RSU1: variants seen among roughly 807,000 people sequenced by gnomAD.
RSU1 encodes Ras suppressor protein 1.
Under a neutral mutation model 31.1 loss-of-function variants are expected in RSU1, and 26 were observed. That is an observed-to-expected ratio of 0.84 (90% CI 0.61 to 1.16). The LOEUF (loss-of-function observed/expected upper bound fraction) is 1.16, where lower values mean the gene tolerates loss of function less well. RSU1 is among the 50% of genes most tolerant of loss of function. RSU1 has a pLI of 0.00. For missense variants in RSU1, 320 were observed against 339.1 expected (o/e 0.94, Z 0.44); for synonymous variants, 164 against 136.3 (o/e 1.20, Z -1.41).
intron 3 of RSU1, among the ~76,000 whole-genome samples, chr10:16,765,257 C>T (rs1837290574): frequency 6.6e-6 from 1 of 152,088 alleles, no homozygotes; most frequent in African/African-American, 2.4e-5. Flanking sequence ...ACAATATAAG[C>T]TCAATTTTAA....
At chr10:16,750,132 A>G (rs1049318524) in intron 7 of RSU1, among the ~76,000 whole-genome samples, 5 of 152,188 alleles carry the variant, frequency 3.3e-5, no homozygotes, top group African/African-American at 1.2e-4. Flanking sequence ...CCAGGCCTTA[A>G]TAGATACTAC....
At chr10:16,767,469 T>C (rs980571947) in intron 3 of RSU1, 1 of 152,148 alleles carries the variant, frequency 6.6e-6, no homozygotes, top group Non-Finnish European at 1.5e-5. Flanking sequence ...ACGCAAACAA[T>C]AACCCCATAT....
rs1206160218 is a variant in RSU1 at position 16,704,700 on chromosome 10, A to C, written c.599-9545T>G. 3.3e-5 allele frequency among the ~76,000 whole-genome samples: 5 copies of C among 152,242 alleles called. No homozygotes were observed. The East Asian group carries it at 7.7e-4, about 23-fold the overall frequency. ...TTACCTGCAGAAATTTTATTTTTAA[A>C]TTAAAACACCCTAGTGGGGTAATGC... On this transcript the variant is annotated intron_variant, in intron 7 of 8. Coordinates refer to ENST00000345264, the MANE Select transcript of RSU1 (RefSeq NM_012425.4).
intron 8 of RSU1, among the ~76,000 whole-genome samples, chr10:16,654,084 C>A (rs1834730437): frequency 1.3e-5 from 2 of 151,902 alleles, no homozygotes; most frequent in African/African-American, 4.8e-5. Flanking sequence ...CTCACTGCAA[C>A]CTCTGCCTCC....
At chr10:16,749,726 G>A (rs1374180582) in intron 7 of RSU1, among the ~76,000 whole-genome samples, 1 of 152,204 alleles carries the variant, frequency 6.6e-6, no homozygotes, top group Non-Finnish European at 1.5e-5. Context: ...GTCTTGCAGA[G>A]GCCATCTCAG....
rs909777884 is a variant in RSU1 at position 16,669,499 on chromosome 10, G to A, written c.731+25524C>T. On this transcript the variant is annotated intron_variant, in intron 8 of 8. Transcript: ENST00000345264. ...CCACCCCAGGGAAAGCCAAGCCAAT[G>A]TCTTCTTTCCACATCATCAAAGAGA... Among the ~76,000 whole-genome samples the A allele has an allele frequency of 3.3e-5, 5 of 152,286 alleles. No homozygotes were observed. In the East Asian group the frequency reaches 7.7e-4, roughly 24 times the overall value.
chr10:16,776,152 A>G (rs1410482672), intron 3 of RSU1, among the ~76,000 whole-genome samples: 2 of 152,234 alleles, frequency 1.3e-5, no homozygotes, highest in African/African-American at 4.8e-5. Context: ...AATTCTTCTC[A>G]ATCATCCCAG....
chr10:16,752,563 G>A lies in RSU1; in HGVS notation c.574C>T (p.Leu192Phe). The A allele has an allele frequency of 6.2e-7, 1 of 1,614,038 alleles. No homozygotes were observed. The highest frequency in any genetic ancestry group is 8.5e-7 in the Non-Finnish European group (1 of 1,179,914). Residue 192 changes from leucine (L) to phenylalanine (F), a missense_variant, in exon 7 of 9, where the codon CTC (leucine) becomes TTC (phenylalanine). Leu to Phe is a conservative substitution (Grantham distance 22, BLOSUM62 0). Transcript: ENST00000345264. ...LKELHIQGNR[L>F]TVLPPELGNL... ...CCTAGTTCTGGGGGCAGAACGGTGA[G>A]GCGGTTCCCCTGAATGTGGAGCTCT... is the stretch of plus-strand genomic sequence containing the variant.
At chr10:16,752,698 G>A in intron 6 of RSU1, 45 bp from the exon 7 acceptor site, 1 of 1,428,800 alleles carries the variant, frequency 7.0e-7, no homozygotes, top group Non-Finnish European at 9.9e-7. Context: ...CACATTAAAA[G>A]GTGCTCCACA....
intron 8 of RSU1, among the ~76,000 whole-genome samples, chr10:16,660,928 G>A (rs1474540461): frequency 6.6e-6 from 1 of 152,104 alleles, no homozygotes; most frequent in Non-Finnish European, 1.5e-5. Context: ...GATTACAGGT[G>A]TGAGCCACTG....
intron 8 of RSU1, among the ~76,000 whole-genome samples, chr10:16,640,326 C>T (rs1402366464): frequency 6.6e-6 from 1 of 152,104 alleles, no homozygotes; most frequent in South Asian, 2.1e-4. Flanking sequence ...ATTCTCAACC[C>T]TAAGTAACTT....
At chr10:16,781,995 A>G in intron 3 of RSU1, 39 bp downstream of exon 3, 1 of 1,579,808 alleles carries the variant, frequency 6.3e-7, no homozygotes. Context: ...AGGATTACCT[A>G]AATGTCAGAA....
chr10:16,746,292 G>A (rs1216124856), intron 7 of RSU1, among the ~76,000 whole-genome samples: 4 of 152,342 alleles, frequency 2.6e-5, no homozygotes, highest in Non-Finnish European at 4.4e-5. Flanking sequence ...TGTATGCAGC[G>A]TTGCAGACAT....
chr10:16,667,459 C>T (rs999999847), intron 8 of RSU1, among the ~76,000 whole-genome samples: 3 of 151,958 alleles, frequency 2.0e-5, no homozygotes, highest in Non-Finnish European at 4.4e-5. Context: ...TAAATAGTAC[C>T]ATAAAATATG....
At chr10:16,681,944 A>G (rs1835334250) in intron 8 of RSU1, among the ~76,000 whole-genome samples, 5 of 152,128 alleles carry the variant, frequency 3.3e-5, no homozygotes, top group Admixed American at 3.3e-4. Context: ...GTTTCACGGA[A>G]GAGTCACTGT....
At position 16,739,149 on chromosome 10, in the gene RSU1, G is replaced by A. The variant is rs148923698; in HGVS notation, c.598+13390C>T. The stretch of plus-strand genomic sequence containing the variant: ...GGGTTGGTTCTAAGTCTTTGCTATT[G>A]TAAATAGTGCTGCAATAAACATACA... On this transcript the variant is annotated intron_variant, in intron 7 of 8. Coordinates refer to ENST00000345264, the MANE Select transcript of RSU1 (RefSeq NM_012425.4). 9.1e-3 allele frequency among the ~76,000 whole-genome samples: 1,386 copies of A among 152,118 alleles called. 19 individuals carry two copies. The highest frequency in any genetic ancestry group is 0.032 in the African/African-American group (1,322 of 41,476).
At chr10:16,786,159 C>T (rs1478915402) in intron 2 of RSU1, among the ~76,000 whole-genome samples, 5 of 152,154 alleles carry the variant, frequency 3.3e-5, no homozygotes, top group African/African-American at 9.7e-5. Context: ...GCAAGGCAGC[C>T]GAACCCATGA....
intron 2 of RSU1, among the ~76,000 whole-genome samples, chr10:16,785,479 TACATATATACATATATATATAC>T (rs1220483220): frequency 4.4e-5 from 6 of 137,844 alleles, no homozygotes; most frequent in Admixed American, 2.9e-4. Context: ...TACACATATA[TACATATATACATATATATATAC>T]ACATATATAC....
chr10:16,788,957 T>C (rs770530658), intron 2 of RSU1, among the ~76,000 whole-genome samples: 5 of 152,186 alleles, frequency 3.3e-5, no homozygotes, highest in African/African-American at 9.7e-5. Context: ...AGACCATCCA[T>C]CTGAGAGTCA....
Sources: gnomAD v4.1 joint callset for allele counts (sites outside exome capture counted in the v4.1 genomes callset) on GRCh38, gnomAD v4.1.1 for gene constraint, MANE v1.5 for transcripts, NCBI Gene and HGNC (gene_info 2026-07-23, HGNC 2026-07-21) for gene names.